MEI4: variants seen among roughly 807,000 people sequenced by gnomAD.
MEI4 encodes meiosis-specific protein MEI4.
Under a neutral mutation model 31.4 loss-of-function variants are expected in MEI4, and 27 were observed. The ratio of observed to expected loss-of-function variants is 0.86; its 90% confidence interval spans 0.63 to 1.19. The LOEUF (loss-of-function observed/expected upper bound fraction) is 1.19, where lower values mean the gene tolerates loss of function less well. MEI4 is among the 50% of genes most tolerant of loss of function. MEI4 has a pLI of 0.00. For missense variants in MEI4, 329 were observed against 398.9 expected, an observed-to-expected ratio of 0.82 and a Z score of 1.49; for synonymous variants, 122 against 145.4, an observed-to-expected ratio of 0.84 and a Z score of 1.16.
At chr6:77,653,481 C>A (rs886208721) in intron 1 of MEI4, among the ~76,000 whole-genome samples, 2 of 152,118 alleles carry the variant, frequency 1.3e-5, no homozygotes, top group Admixed American at 6.5e-5. Context: ...GAATAAGCAT[C>A]CACTCATATA....
At chr6:77,798,561 A>G (rs1212645576) in intron 3 of MEI4, among the ~76,000 whole-genome samples, 1 of 151,868 alleles carries the variant, frequency 6.6e-6, no homozygotes, top group East Asian at 1.9e-4. Context: ...TTACATATGT[A>G]TACATGTGCC....
intron 2 of MEI4, among the ~76,000 whole-genome samples, chr6:77,737,750 A>T (rs981120893): frequency 6.6e-6 from 1 of 152,166 alleles, no homozygotes. Context: ...GAAGGGAGAG[A>T]TAGGATCAAT....
At chr6:77,863,221 A>G (rs1280646551) in intron 4 of MEI4, among the ~76,000 whole-genome samples, 1 of 152,218 alleles carries the variant, frequency 6.6e-6, no homozygotes, top group Non-Finnish European at 1.5e-5. Context: ...GCAATGGAAC[A>G]AAGCTGGATA....
intron 4 of MEI4, among the ~76,000 whole-genome samples, chr6:77,905,461 G>A (rs1228914284): frequency 8.9e-6 from 1 of 112,344 alleles, no homozygotes; most frequent in African/African-American, 3.0e-5. Context: ...TCTATAGATT[G>A]TATAAATTTT....
chr6:77,826,784 C>T (rs937115956), intron 3 of MEI4, among the ~76,000 whole-genome samples: 3 of 152,162 alleles, frequency 2.0e-5, no homozygotes, highest in Admixed American at 6.5e-5. Flanking sequence ...GGAACAACAG[C>T]ACTGTGTAAT....
intron 2 of MEI4, among the ~76,000 whole-genome samples, chr6:77,706,572 G>C (rs147903553): frequency 6.6e-6 from 1 of 152,082 alleles, no homozygotes; most frequent in Admixed American, 6.5e-5. Context: ...CTGTTGATAT[G>C]GTTTAGATGT....
intron 4 of MEI4, among the ~76,000 whole-genome samples, chr6:77,875,384 G>A (rs539263793): frequency 1.6e-4 from 24 of 152,240 alleles, no homozygotes; most frequent in African/African-American, 3.9e-4. Context: ...AATGTTATGC[G>A]AATGAATGAC....
chr6:77,698,031 T>G (rs1766100068), intron 2 of MEI4, among the ~76,000 whole-genome samples: 1 of 152,222 alleles, frequency 6.6e-6, no homozygotes, highest in Non-Finnish European at 1.5e-5. Flanking sequence ...TGGTCTTCTT[T>G]GTGTCTTTTG....
chr6:77,772,405 G>A (rs1440540679), intron 3 of MEI4, among the ~76,000 whole-genome samples: 1 of 151,866 alleles, frequency 6.6e-6, no homozygotes, highest in Non-Finnish European at 1.5e-5. Flanking sequence ...ATGCAAGGAT[G>A]GTTCAGCATA....
intron 1 of MEI4, among the ~76,000 whole-genome samples, chr6:77,680,628 G>A (rs1768940159): frequency 6.6e-6 from 1 of 152,182 alleles, no homozygotes; most frequent in Non-Finnish European, 1.5e-5. Flanking sequence ...TGTATAGAAT[G>A]GAAGGGCTCC....
At chr6:77,891,729 A>G (rs965307016) in intron 4 of MEI4, among the ~76,000 whole-genome samples, 1 of 152,158 alleles carries the variant, frequency 6.6e-6, no homozygotes, top group Admixed American at 6.5e-5. Context: ...ATTTGTGCAT[A>G]TGGTACAACA....
chr6:77,712,785 C>T (rs1314222444), intron 2 of MEI4, among the ~76,000 whole-genome samples: 1 of 151,956 alleles, frequency 6.6e-6, no homozygotes, highest in Non-Finnish European at 1.5e-5. Flanking sequence ...TCCTAGCTAA[C>T]ATGGTGAAAC....
intron 4 of MEI4, among the ~76,000 whole-genome samples, chr6:77,867,597 G>A (rs959241270): frequency 1.3e-5 from 2 of 152,148 alleles, no homozygotes; most frequent in African/African-American, 4.8e-5. Flanking sequence ...GGAGAAATAG[G>A]AACACTTTTA....
At position 77,821,538 on chromosome 6, in the gene MEI4, G is replaced by C. The variant is rs151300262; in HGVS notation, c.769-7393G>C. ...TGGCCGGGCATGGTGGCTCACGCCT[G>C]TAATCCCAGCACTTTGGGAGGCCGA... On this transcript the variant is annotated intron_variant, in intron 3 of 4. Coordinates refer to ENST00000684080, the MANE Select transcript of MEI4 (RefSeq NM_001322247.2). 3.4e-3 allele frequency among the ~76,000 whole-genome samples: 511 copies of C among 152,238 alleles called. 2 individuals are homozygous for C. Among genetic ancestry groups the C allele is most frequent in the African/African-American group, 0.012 (498 of 41,556 alleles).
At chr6:77,676,665 A>T (rs778242084) in intron 1 of MEI4, among the ~76,000 whole-genome samples, 26 of 152,020 alleles carry the variant, frequency 1.7e-4, no homozygotes, top group Admixed American at 4.6e-4. Flanking sequence ...TTTCTTAGAG[A>T]CTCACTGAGT....
chr6:77,698,431 C>T (rs1024397230), intron 2 of MEI4, among the ~76,000 whole-genome samples: 1 of 152,090 alleles, frequency 6.6e-6, no homozygotes, highest in African/African-American at 2.4e-5. Context: ...ATGTTTAGTG[C>T]TTCCTTCAGG....
At chr6:77,790,404 G>T (rs1002928070) in intron 3 of MEI4, among the ~76,000 whole-genome samples, 1 of 151,750 alleles carries the variant, frequency 6.6e-6, no homozygotes, top group Non-Finnish European at 1.5e-5. Flanking sequence ...TTAATTAAAA[G>T]AAAATAACAT....
chr6:77,777,879 TAAAA>T (rs1003456333), intron 3 of MEI4, among the ~76,000 whole-genome samples: 12 of 152,006 alleles, frequency 7.9e-5, no homozygotes, highest in Non-Finnish European at 1.5e-4. Context: ...TTCAGGGAAT[TAAAA>T]AAACCTTTAA....
chr6:77,920,750 A>T (rs900562290), intron 4 of MEI4, among the ~76,000 whole-genome samples: 2 of 151,936 alleles, frequency 1.3e-5, no homozygotes, highest in South Asian at 4.1e-4. Flanking sequence ...GTTTGTAGAC[A>T]TTAAAACATT....
Sources: gnomAD v4.1 joint callset for allele counts (sites outside exome capture counted in the v4.1 genomes callset) on GRCh38, gnomAD v4.1.1 for gene constraint, MANE v1.5 for transcripts, NCBI Gene and HGNC (gene_info 2026-07-23, HGNC 2026-07-21) for gene names.